Variants in PGM2 observed in about 807,000 individuals in gnomAD.
PGM2 encodes the protein phosphoglucomutase 2.
In PGM2, 57 loss-of-function variants were observed where a neutral mutation model predicts 74.6. That is an observed-to-expected ratio of 0.76 (90% CI 0.62 to 0.95). PGM2 has a LOEUF of 0.95. PGM2 is among the 40% of genes least tolerant of loss of function. The pLI is 0.00. For synonymous variants in PGM2, 273 were observed against 260.7 expected, an observed-to-expected ratio of 1.05 and a Z score of -0.46; for missense variants, 706 against 741.9, an observed-to-expected ratio of 0.95 and a Z score of 0.56.
At chr4:37,842,335 C>T (rs556026981) in intron 6 of PGM2, among the ~76,000 whole-genome samples, 49 of 151,452 alleles carry the variant, frequency 3.2e-4, no homozygotes, top group Middle Eastern at 3.5e-3. Flanking sequence ...TTATGTCATG[C>T]TTAGGAAGAC....
At position 37,862,036 on chromosome 4, in the gene PGM2, T is replaced by C. The variant is rs751517609; in HGVS notation, c.*424T>C. The C allele has an allele frequency of 6.5e-6, 1 of 154,514 alleles. No homozygotes were observed. The highest frequency in any genetic ancestry group is 1.4e-5 in the Non-Finnish European group (1 of 69,368). 9.6% of individuals were successfully genotyped at this position (154,514 alleles called of 1,614,324 possible). ...GTAGGATAGCCACTTTTTAGGTATA[T>C]GTACATTTATATTTCTATCAATTCC... On this transcript the variant is annotated 3_prime_UTR_variant, in exon 14 of 14. Transcript: ENST00000381967.
In PGM2 at chr4:37,826,769, G is replaced by T. The variant is rs1372578644; in HGVS notation, c.37G>T (p.Ala13Ser). The change falls in exon 1 of 14, where the codon GCC becomes TCC. Residue 13 changes from alanine (A) to serine (S), a missense_variant. Around this residue, in one of 3 missense-constraint regions of PGM2, gnomAD observed 332 missense variants for 334.9 expected, o/e 0.99. Coordinates refer to ENST00000381967, the MANE Select transcript of PGM2 (RefSeq NM_018290.4). ...AGAAGGCAGCGGTCTAGGCGAGGAC[G>T]CCCGGCTGGACCAGGAGACCGCCCA... ...APEGSGLGED[A>S]RLDQETAQWL... 2 of 1,549,422 alleles carry T rather than the reference G, an allele frequency of 1.3e-6. No individual in the cohort carries two copies. Among genetic ancestry groups the T allele is most frequent in the Non-Finnish European group, 1.7e-6 (2 of 1,146,224 alleles).
At chr4:37,854,756 T>G (rs1001636588) in intron 12 of PGM2, among the ~76,000 whole-genome samples, 1 of 150,540 alleles carries the variant, frequency 6.6e-6, no homozygotes, top group African/African-American at 2.5e-5. Flanking sequence ...TAGTTTGAGG[T>G]TTTTTTTTGT....
chr4:37,854,860 TAC>T (rs772093423), intron 12 of PGM2, among the ~76,000 whole-genome samples: 26 of 152,142 alleles, frequency 1.7e-4, no homozygotes, highest in Non-Finnish European at 3.5e-4. Context: ...TAAAAGCTAA[TAC>T]ACAAAGTTAC....
At chr4:37,834,832 T>A in intron 3 of PGM2, 108 bp downstream of exon 3, 2 of 522,174 alleles carry the variant, frequency 3.8e-6, no homozygotes, top group Non-Finnish European at 6.9e-6. Flanking sequence ...CCTCATTGCT[T>A]AACTGTAAAA....
chr4:37,843,495 T>C (rs1725784112), intron 6 of PGM2, among the ~76,000 whole-genome samples: 1 of 152,154 alleles, frequency 6.6e-6, no homozygotes, highest in Non-Finnish European at 1.5e-5. Context: ...TTCTGTAACT[T>C]CTCCTGTTAA....
chr4:37,838,723 A>T (rs964112269), intron 4 of PGM2, among the ~76,000 whole-genome samples: 1 of 152,228 alleles, frequency 6.6e-6, no homozygotes, highest in Non-Finnish European at 1.5e-5. Context: ...TCATGTATTC[A>T]AGCATCCTAA....
chr4:37,837,079 C>A (rs1353344840), intron 3 of PGM2, among the ~76,000 whole-genome samples: 1 of 152,158 alleles, frequency 6.6e-6, no homozygotes, highest in African/African-American at 2.4e-5. Flanking sequence ...AGGTGTTCAG[C>A]AGCACCCCTG....
intron 11 of PGM2, among the ~76,000 whole-genome samples, chr4:37,849,700 TGCCTG>T (rs1395556729): frequency 2.7e-5 from 4 of 150,300 alleles, no homozygotes; most frequent in Non-Finnish European, 5.9e-5. Context: ...TGAGCCACTG[TGCCTG>T]GCCTAGACCT....
Position 37,837,537 on chromosome 4 carries a change from G to C in PGM2, c.365G>C (p.Arg122Pro), listed in dbSNP as rs139183829. The change falls in exon 4 of 14, where the codon CGA becomes CCA. Residue 122 changes from arginine (R) to proline (P), a missense_variant. By Grantham distance (103) the Arg-to-Pro change is moderately radical. Around this residue, in one of 3 missense-constraint regions of PGM2, gnomAD observed 332 missense variants for 334.9 expected, o/e 0.99. Coordinates refer to ENST00000381967, the MANE Select transcript of PGM2 (RefSeq NM_018290.4). ...SSGGSSRRFA[R>P]LAATTFISQG... ...TCACTCTGCATTCTCAGGTTTGCCC[G>C]ACTTGCTGCAACCACATTTATCAGT... The C allele has an allele frequency of 3.7e-6, 6 of 1,610,658 alleles. 1 individual carries two copies. The South Asian group carries it at 6.6e-5, about 18-fold the overall frequency.
intron 13 of PGM2, among the ~76,000 whole-genome samples, chr4:37,857,679 A>C (rs1453346428): frequency 6.6e-6 from 1 of 152,220 alleles, no homozygotes; most frequent in African/African-American, 2.4e-5. Flanking sequence ...TTAAGAAGTC[A>C]TGGGACTATG....
At chr4:37,854,975 G>A (rs1338103313) in intron 12 of PGM2, among the ~76,000 whole-genome samples, 1 of 152,182 alleles carries the variant, frequency 6.6e-6, no homozygotes, top group African/African-American at 2.4e-5. Flanking sequence ...TATACATTGT[G>A]ATAGCTAAAA....
At chr4:37,861,378 T>C in intron 13 of PGM2, 132 bp from the exon 14 acceptor site, 1 of 609,296 alleles carries the variant, frequency 1.6e-6, no homozygotes, top group Non-Finnish European at 3.0e-6. Flanking sequence ...GTCTCTGGAG[T>C]TCTCTTTTTT....
chr4:37,851,834 G>C (rs1436117342), intron 12 of PGM2, among the ~76,000 whole-genome samples: 1 of 152,114 alleles, frequency 6.6e-6, no homozygotes, highest in African/African-American at 2.4e-5. Context: ...CACAGCTTTT[G>C]GTTAAATCAG....
At chr4:37,841,539 C>T (rs932573914) in intron 6 of PGM2, among the ~76,000 whole-genome samples, 1 of 152,220 alleles carries the variant, frequency 6.6e-6, no homozygotes, top group Admixed American at 6.5e-5. Context: ...AGGGAGCAGC[C>T]GTGCCAGCTG....
intron 12 of PGM2, among the ~76,000 whole-genome samples, chr4:37,854,889 A>AAAT (rs1179484264): frequency 2.3e-4 from 35 of 152,196 alleles, no homozygotes; most frequent in Non-Finnish European, 2.8e-4. Context: ...TTCTTTATTT[A>AAAT]AAATTAATTT....
chr4:37,829,494 A>G (rs1292561029), intron 1 of PGM2, among the ~76,000 whole-genome samples: 2 of 152,190 alleles, frequency 1.3e-5, no homozygotes, highest in South Asian at 2.1e-4. Flanking sequence ...GGCATTAGGG[A>G]AAAAAATGGA....
rs1405935833 is a variant in PGM2 at position 37,848,631 on chromosome 4, A to G, written c.1392A>G (p.Gln464=). ...CCAAGAATTTGTCTTTGTCTCAGCA[A>G]CTAAAGGCCATTTATGTGGAGTAAG... ...LATKNLSLSQ[Q]LKAIYVEYGY... The change falls in exon 11 of 14, where the codon CAA becomes CAG. Residue 464 remains glutamine (Q), a synonymous_variant. Coordinates refer to ENST00000381967, the MANE Select transcript of PGM2 (RefSeq NM_018290.4). 2 of 1,613,674 alleles carry G rather than the reference A, an allele frequency of 1.2e-6. No homozygotes were observed. Among genetic ancestry groups the G allele is most frequent in the East Asian group, 2.2e-5 (1 of 44,882 alleles).
chr4:37,830,072 G>A lies in PGM2; in HGVS notation c.190G>A (p.Ala64Thr), dbSNP rs1725400041. ...RMEFGTAGLR[A>T]AMGPGISRMN... Reference sequence around the variant, plus strand: ...GGAGTTTGGGACAGCTGGCCTCCGAGCTGCTATGGGACCTGGAATTTCTCG... The same window carrying A: ...GGAGTTTGGGACAGCTGGCCTCCGAACTGCTATGGGACCTGGAATTTCTCG... Residue 64 changes from alanine (A) to threonine (T), a missense_variant, in exon 2 of 14, where the codon GCT becomes ACT. By Grantham distance (58) the Ala-to-Thr change is moderately conservative. This residue lies in a region of PGM2 where 332 missense variants were observed against 334.9 expected (regional missense o/e 0.99). Coordinates refer to ENST00000381967, the MANE Select transcript of PGM2 (RefSeq NM_018290.4). 1 of 1,607,552 alleles carries A rather than the reference G, an allele frequency of 6.2e-7. No individual in the cohort carries two copies. The highest frequency in any genetic ancestry group is 8.5e-7 in the Non-Finnish European group (1 of 1,176,972).
Sources: allele counts gnomAD v4.1 joint callset (sites outside exome capture counted in the v4.1 genomes callset), GRCh38; gene constraint gnomAD v4.1.1; regional missense constraint gnomAD v4.1.1; transcripts MANE v1.5; gene names NCBI Gene and HGNC (gene_info 2026-07-23, HGNC 2026-07-21).